Variants in NF1 observed in about 807,000 individuals in gnomAD.
The protein encoded by NF1 is neurofibromin 1.
In NF1, 122 loss-of-function variants were observed where a neutral mutation model predicts 325.7. The observed-to-expected ratio is 0.37, with a 90% CI of 0.32 to 0.44. The LOEUF (loss-of-function observed/expected upper bound fraction) is 0.44. NF1 is among the 20% of genes least tolerant of loss of function. The probability of loss-of-function intolerance (pLI) is 1.00; values close to 1 mark genes in which losing one functional copy is unlikely to be tolerated. For missense variants in NF1, 2,140 were observed against 3,415.4 expected (o/e 0.63, Z 9.31); for synonymous variants, 1,091 against 1,186.0 (o/e 0.92, Z 1.65).
At chr17:31,112,999 T>C (rs1913557188) in intron 1 of NF1, among the ~76,000 whole-genome samples, 1 of 152,160 alleles carries the variant, frequency 6.6e-6, no homozygotes, top group Non-Finnish European at 1.5e-5. Flanking sequence ...TAATAAAATA[T>C]CAAGTCAGGT....
chr17:31,190,156 T>C (rs1020677330), intron 8 of NF1, among the ~76,000 whole-genome samples: 1 of 149,648 alleles, frequency 6.7e-6, no homozygotes, highest in Admixed American at 6.7e-5. Flanking sequence ...CTCTGGAGGC[T>C]GAGCCGGGGA....
chr17:31,331,196 C>T (rs902132825), intron 39 of NF1: 54 of 152,192 alleles, frequency 3.5e-4, no homozygotes, highest in African/African-American at 1.3e-3. Context: ...TTCACTAAGA[C>T]TCTTTGTCAG....
At chr17:31,163,624 G>A (rs2065800273) in intron 4 of NF1, among the ~76,000 whole-genome samples, 1 of 152,094 alleles carries the variant, frequency 6.6e-6, no homozygotes, top group African/African-American at 2.4e-5. Flanking sequence ...CATTTTAATT[G>A]CGTAATATTG....
intron 1 of NF1, among the ~76,000 whole-genome samples, chr17:31,154,809 G>A (rs1241371690): frequency 4.7e-5 from 7 of 147,894 alleles, no homozygotes; most frequent in African/African-American, 7.5e-5. Context: ...GCGTAATCTC[G>A]GCTCACTGCA....
intron 1 of NF1, among the ~76,000 whole-genome samples, chr17:31,098,358 CTT>C (rs1485809861): frequency 6.6e-6 from 1 of 151,704 alleles, no homozygotes; most frequent in African/African-American, 2.4e-5. Context: ...ATTTAGAAGA[CTT>C]TATTTTATTT....
At chr17:31,278,420 T>G (rs929088921) in intron 36 of NF1, among the ~76,000 whole-genome samples, 1 of 147,648 alleles carries the variant, frequency 6.8e-6, no homozygotes, top group East Asian at 1.9e-4. Context: ...TTTTTTTTTT[T>G]TTTTTTTTTG....
chr17:31,134,052 C>T (rs1169459460), intron 1 of NF1, among the ~76,000 whole-genome samples: 2 of 152,022 alleles, frequency 1.3e-5, no homozygotes, highest in Non-Finnish European at 1.5e-5. Flanking sequence ...TTTGCTCTGT[C>T]ATGCAGACTA....
chr17:31,197,191 C>G (rs2066448650), intron 8 of NF1, among the ~76,000 whole-genome samples: 1 of 151,788 alleles, frequency 6.6e-6, no homozygotes, highest in African/African-American at 2.4e-5. Flanking sequence ...ACTACAGGGA[C>G]CCGCCACCAT....
intron 27 of NF1, among the ~76,000 whole-genome samples, chr17:31,235,097 A>G (rs978877484): frequency 1.3e-5 from 2 of 152,196 alleles, no homozygotes; most frequent in Admixed American, 6.5e-5. Flanking sequence ...TGAATGCCCA[A>G]TTCCTTTTCT....
In NF1 at chr17:31,356,597, A is replaced by G. The variant is rs769825571; in HGVS notation, c.7738+15A>G. ...TTATGAAATGGGTGAGAAACAAAGT[A>G]TTGATCTAGATCATTGAAAATAAGG... On this transcript the variant is annotated intron_variant, in intron 52 of 57. Coordinates refer to ENST00000358273, the MANE Select transcript of NF1 (RefSeq NM_001042492.3). The G allele has an allele frequency of 3.7e-6, 6 of 1,613,180 alleles. No homozygotes were observed. In the Admixed American group the frequency reaches 5.0e-5, roughly 13 times the overall value.
At chr17:31,095,482 A>G in intron 1 of NF1, 113 bp downstream of exon 1, 1 of 868,114 alleles carries the variant, frequency 1.2e-6, no homozygotes, top group East Asian at 3.7e-5. Flanking sequence ...CTCTGGAGGA[A>G]AGGAAGGGAA....
intron 37 of NF1, 144 bp downstream of exon 37, chr17:31,326,396 C>A: frequency 2.5e-6 from 2 of 795,790 alleles, no homozygotes; most frequent in Non-Finnish European, 4.0e-6. Context: ...GCCTGTAATC[C>A]AAGCACTTTG....
intron 1 of NF1, among the ~76,000 whole-genome samples, chr17:31,120,458 A>G (rs1247049074): frequency 6.6e-6 from 1 of 152,184 alleles, no homozygotes; most frequent in Non-Finnish European, 1.5e-5. Context: ...TTGATTTTGT[A>G]TCCTGAAACT....
intron 1 of NF1, among the ~76,000 whole-genome samples, chr17:31,108,345 G>T (rs989295667): frequency 7.4e-6 from 1 of 135,550 alleles, no homozygotes. Flanking sequence ...CACGATCTTG[G>T]CTCACTGCAA....
At chr17:31,201,231 G>T in intron 10 of NF1, 72 bp downstream of exon 10, 1 of 1,581,524 alleles carries the variant, frequency 6.3e-7, no homozygotes, top group Non-Finnish European at 8.7e-7. Flanking sequence ...AGACTATAGA[G>T]ATTAATAGGT....
intron 36 of NF1, 90 bp downstream of exon 36, chr17:31,265,429 A>C: frequency 3.3e-6 from 3 of 910,130 alleles, no homozygotes; most frequent in Non-Finnish European, 5.4e-6. Flanking sequence ...TTCCCAGTTG[A>C]CTTAACAGGA....
At position 31,095,017 on chromosome 17, in the gene NF1, G is replaced by A; in HGVS notation, c.-293G>A. 3 of 571,640 alleles carry A rather than the reference G, an allele frequency of 5.2e-6. 1 individual carries two copies. The highest frequency in any genetic ancestry group is 4.1e-5 in the South Asian group (2 of 48,582). 35.4% of individuals were successfully genotyped at this position (571,640 alleles called of 1,614,324 possible). ...TCATGGCGGCGTCTCGGACTGTGAT[G>A]GCTGTGGGGAGACGGCGCTAGTGGG... On this transcript the variant is annotated 5_prime_UTR_variant, in exon 1 of 58. It removes an upstream start codon present in the reference 5' UTR. Transcript: ENST00000358273.
At chr17:31,312,955 C>G (rs1444659056) in intron 36 of NF1, among the ~76,000 whole-genome samples, 2 of 152,026 alleles carry the variant, frequency 1.3e-5, no homozygotes, top group Non-Finnish European at 1.5e-5. Context: ...CTATCTTATA[C>G]TATGTTCTAA....
chr17:31,293,605 C>G (rs558432827), intron 36 of NF1, among the ~76,000 whole-genome samples: 1 of 152,274 alleles, frequency 6.6e-6, no homozygotes, highest in East Asian at 1.9e-4. Context: ...TTACTTTTCT[C>G]TCTCTCAATA....
Sources: gnomAD v4.1 joint callset for allele counts (sites outside exome capture counted in the v4.1 genomes callset) on GRCh38, gnomAD v4.1.1 for gene constraint, MANE v1.5 for transcripts, NCBI Gene and HGNC (gene_info 2026-07-23, HGNC 2026-07-21) for gene names.